The following BICC1 variants were observed in gnomAD, a reference collection of about 807,000 sequenced individuals.
BICC1 encodes the protein protein bicaudal C homolog 1.
BICC1 carries 43 observed loss-of-function variants against 111.0 expected under a neutral mutation model. That is an observed-to-expected ratio of 0.39 (90% CI 0.30 to 0.50). The LOEUF (loss-of-function observed/expected upper bound fraction) is 0.50. Among genes scored for constraint, BICC1 ranks in the 20% least tolerant of loss-of-function variants. The pLI is 0.88. For synonymous variants in BICC1, 467 were observed against 434.4 expected (o/e 1.07, Z -0.93); for missense variants, 1,091 against 1,203.2 (o/e 0.91, Z 1.38).
At chr10:58,745,893 T>C (rs748362516) in intron 3 of BICC1, among the ~76,000 whole-genome samples, 5 of 151,586 alleles carry the variant, frequency 3.3e-5, no homozygotes, top group Admixed American at 6.6e-5. Flanking sequence ...TTCTGTCTGA[T>C]TTGTGTTTTT....
At chr10:58,630,839 C>T (rs1837771306) in intron 2 of BICC1, among the ~76,000 whole-genome samples, 1 of 152,138 alleles carries the variant, frequency 6.6e-6, no homozygotes, top group Non-Finnish European at 1.5e-5. Context: ...TTTAAAGGAG[C>T]AGTGCTCTTT....
At chr10:58,647,703 T>C (rs1474367132) in intron 2 of BICC1, among the ~76,000 whole-genome samples, 50 of 152,126 alleles carry the variant, frequency 3.3e-4, no homozygotes, top group Non-Finnish European at 7.3e-5. Context: ...TTTTCAATCT[T>C]TTTGATGGGG....
intron 3 of BICC1, among the ~76,000 whole-genome samples, chr10:58,755,173 A>G (rs1842109895): frequency 6.6e-6 from 1 of 152,156 alleles, no homozygotes; most frequent in Non-Finnish European, 1.5e-5. Flanking sequence ...TTTCATTTAA[A>G]TCAAGTATAA....
At chr10:58,524,036 C>A (rs1842463625) in intron 1 of BICC1, among the ~76,000 whole-genome samples, 1 of 151,914 alleles carries the variant, frequency 6.6e-6, no homozygotes, top group Admixed American at 6.6e-5. Context: ...AACCACTGCT[C>A]AATGAAATAA....
intron 2 of BICC1, among the ~76,000 whole-genome samples, chr10:58,661,567 G>A (rs554525286): frequency 6.6e-6 from 1 of 152,234 alleles, no homozygotes; most frequent in African/African-American, 2.4e-5. Context: ...TAAGTTGGTT[G>A]CTATTATTGA....
chr10:58,624,787 T>A (rs10826206), intron 2 of BICC1, among the ~76,000 whole-genome samples: 91,996 of 151,810 alleles, frequency 0.61, 28,203 homozygotes, highest in African/African-American at 0.67. Context: ...AGAGATGGGC[T>A]TTCACCATGT....
chr10:58,763,046 G>C (rs1235588215), intron 3 of BICC1, among the ~76,000 whole-genome samples: 2 of 136,468 alleles, frequency 1.5e-5, no homozygotes, highest in Admixed American at 7.3e-5. Context: ...TTGTGAATGG[G>C]GGAAATATAG....
intron 1 of BICC1, among the ~76,000 whole-genome samples, chr10:58,538,176 C>A (rs1314312082): frequency 1.3e-5 from 2 of 151,728 alleles, no homozygotes; most frequent in Non-Finnish European, 2.9e-5. Context: ...CAATCCTAAG[C>A]AAAAAGAACA....
At chr10:58,532,827 A>G (rs79332978) in intron 1 of BICC1, among the ~76,000 whole-genome samples, 1,945 of 152,014 alleles carry the variant, frequency 0.013, 20 homozygotes, top group Non-Finnish European at 0.021. Flanking sequence ...TGAAAAATTC[A>G]AACAATTGGC....
chr10:58,656,470 A>G (rs1161094146), intron 2 of BICC1, among the ~76,000 whole-genome samples: 1 of 150,296 alleles, frequency 6.7e-6, no homozygotes, highest in Admixed American at 6.7e-5. Context: ...GGCAAAATGA[A>G]TCCAGCAGCA....
rs1841542632 is a variant in BICC1 at position 58,738,340 on chromosome 10, T to A, written c.307+36197T>A. Reference sequence around the variant, plus strand: ...AGTTTTCCCAGCACCATTTATTAAATAGGGAACCTTTCCCCATTTCTTGTT... The same window carrying A: ...AGTTTTCCCAGCACCATTTATTAAAAAGGGAACCTTTCCCCATTTCTTGTT... On this transcript the variant is annotated intron_variant, in intron 3 of 20. Transcript: ENST00000373886. Among the ~76,000 whole-genome samples, 2 of 1,656 alleles carry A rather than the reference T, an allele frequency of 1.2e-3. 1 individual carries two copies. Among genetic ancestry groups the A allele is most frequent in the East Asian group, 1 (2 of 2 alleles). The allele number at this position is 1,656 out of a possible 152,430, so 1.1% of individuals were successfully genotyped here.
At chr10:58,666,280 CTG>C (rs1000190796) in intron 2 of BICC1, among the ~76,000 whole-genome samples, 22 of 152,338 alleles carry the variant, frequency 1.4e-4, no homozygotes, top group African/African-American at 4.8e-4. Flanking sequence ...ATTCAGCAGA[CTG>C]TGAGTGGTTG....
rs181422318 is a variant in BICC1 at position 58,590,045 on chromosome 10, A to G, written c.191-30810A>G. Among the ~76,000 whole-genome samples, 4 of 152,248 alleles carry G rather than the reference A, an allele frequency of 2.6e-5. No homozygotes were observed. The East Asian group carries it at 7.7e-4, about 29-fold the overall frequency. On this transcript the variant is annotated intron_variant, in intron 1 of 20. Transcript: ENST00000373886. Reference sequence around the variant, plus strand: ...AGGAAATCTACAATTTCATTTATTCATATGGGATTAACAATAAGCTATCAT... The same window carrying G: ...AGGAAATCTACAATTTCATTTATTCGTATGGGATTAACAATAAGCTATCAT...
At chr10:58,599,792 G>A (rs913843777) in intron 1 of BICC1, among the ~76,000 whole-genome samples, 3 of 152,036 alleles carry the variant, frequency 2.0e-5, no homozygotes, top group African/African-American at 7.2e-5. Flanking sequence ...TCTGAGACCA[G>A]TTTTTGTCCT....
At chr10:58,674,439 C>T (rs1427214133) in intron 2 of BICC1, among the ~76,000 whole-genome samples, 1 of 152,132 alleles carries the variant, frequency 6.6e-6, no homozygotes, top group African/African-American at 2.4e-5. Context: ...AGTAATTTTC[C>T]TGTGTCTGTG....
intron 1 of BICC1, among the ~76,000 whole-genome samples, chr10:58,570,781 G>A (rs1843924846): frequency 6.6e-6 from 1 of 152,126 alleles, no homozygotes; most frequent in African/African-American, 2.4e-5. Flanking sequence ...GTGTATTTCC[G>A]AGACCTGAAC....
chr10:58,584,255 C>T (rs936226838), intron 1 of BICC1, among the ~76,000 whole-genome samples: 3 of 152,162 alleles, frequency 2.0e-5, no homozygotes, highest in African/African-American at 7.2e-5. Flanking sequence ...TTTACACCTT[C>T]TGTCTTCAAA....
chr10:58,534,179 A>G (rs1484214758), intron 1 of BICC1, among the ~76,000 whole-genome samples: 3 of 151,758 alleles, frequency 2.0e-5, no homozygotes, highest in Non-Finnish European at 4.4e-5. Context: ...GGAGGGCATT[A>G]AGTCTCCCCT....
At chr10:58,824,010 T>C in intron 20 of BICC1, 1 of 985,244 alleles carries the variant, frequency 1.0e-6, no homozygotes, top group African/African-American at 1.7e-5. Context: ...GATACCTTCC[T>C]TGCTTCTTCA....
Sources: allele counts gnomAD v4.1 joint callset (sites outside exome capture counted in the v4.1 genomes callset), GRCh38; gene constraint gnomAD v4.1.1; transcripts MANE v1.5; gene names NCBI Gene and HGNC (gene_info 2026-07-23, HGNC 2026-07-21).